ALDH6A1: variants seen among roughly 807,000 people sequenced by gnomAD.
ALDH6A1 encodes the protein methylmalonate-semialdehyde/malonate-semialdehyde dehydrogenase [acylating], mitochondrial.
Under a neutral mutation model 62.6 loss-of-function variants are expected in ALDH6A1, and 43 were observed. The observed-to-expected ratio is 0.69, with a 90% CI of 0.54 to 0.89. The LOEUF (loss-of-function observed/expected upper bound fraction) is 0.89, where lower values mean the gene tolerates loss of function less well. Ranked by LOEUF, ALDH6A1 falls within the 40% of genes least tolerant of loss-of-function variation. ALDH6A1 has a pLI of 0.00. For missense variants in ALDH6A1, 551 were observed against 661.3 expected (o/e 0.83, Z 1.83); for synonymous variants, 194 against 234.2 (o/e 0.83, Z 1.57).
Position 74,058,068 on chromosome 14 carries a change from C to A in ALDH6A1, c.*2574G>T. 3.5e-6 allele frequency: 1 copy of A among 286,888 alleles called. No homozygotes were observed. Among genetic ancestry groups the A allele is most frequent in the Non-Finnish European group, 5.2e-6 (1 of 191,338 alleles). 17.8% of individuals were successfully genotyped at this position (286,888 alleles called of 1,614,324 possible). The stretch of plus-strand genomic sequence containing the variant: ...CAGGGCCAGGTGCGGTGGTTCACGC[C>A]TGTAATCCCAGCACTTTGGGAGGCC... On this transcript the variant is annotated 3_prime_UTR_variant, in exon 12 of 12. Coordinates refer to ENST00000553458, the MANE Select transcript of ALDH6A1 (RefSeq NM_005589.4).
intron 2 of ALDH6A1, among the ~76,000 whole-genome samples, chr14:74,074,268 C>T (rs932898557): frequency 2.0e-5 from 3 of 147,604 alleles, no homozygotes; most frequent in East Asian, 2.1e-4. Context: ...TGAGCCACTG[C>T]GCCCGGCCCC....
At chr14:74,076,951 A>G (rs1370827467) in intron 1 of ALDH6A1, among the ~76,000 whole-genome samples, 1 of 152,216 alleles carries the variant, frequency 6.6e-6, no homozygotes, top group Non-Finnish European at 1.5e-5. Flanking sequence ...CTGCAATCTA[A>G]TAATCTTTTA....
chr14:74,062,725 T>A (rs764916322), intron 11 of ALDH6A1, among the ~76,000 whole-genome samples: 6 of 152,190 alleles, frequency 3.9e-5, no homozygotes, highest in Non-Finnish European at 8.8e-5. Context: ...TGCAATCCCA[T>A]TGTTAATTTT....
In ALDH6A1 at chr14:74,072,331, C is replaced by T; in HGVS notation, c.220G>A (p.Ala74Thr). The T allele has an allele frequency of 1.2e-6, 2 of 1,614,182 alleles. No individual in the cohort carries two copies. Among genetic ancestry groups the T allele is most frequent in the African/African-American group, 2.7e-5 (2 of 75,060 alleles). ...GCTGCATCCATTTCTGCCTTGGTGG[C>T]CTGAGGGACCCGACCAATGACCTCA... ...TNEVIGRVPQ[A>T]TKAEMDAAIA... is the part of the protein sequence containing the mutation. The change falls in exon 4 of 12, where the codon GCC becomes ACC. Residue 74 changes from alanine to threonine, a missense_variant. By Grantham distance (58) the Ala-to-Thr change is moderately conservative. Coordinates refer to ENST00000553458, the MANE Select transcript of ALDH6A1 (RefSeq NM_005589.4).
At chr14:74,072,459 C>T (rs192918442) in intron 3 of ALDH6A1, 78 bp downstream of exon 3, 6 of 1,613,020 alleles carry the variant, frequency 3.7e-6, no homozygotes, top group African/African-American at 2.7e-5. Flanking sequence ...TTACAACAGA[C>T]ACCCAGGTCC....
intron 1 of ALDH6A1, 67 bp from the exon 2 acceptor site, chr14:74,075,084 GC>G: frequency 1.4e-6 from 2 of 1,416,328 alleles, no homozygotes; most frequent in Non-Finnish European, 2.0e-6. Flanking sequence ...TTAGCAAATA[GC>G]TACTATATGC....
rs1217605380 is a variant in ALDH6A1, at chr14:74,060,153, T to G, written c.*489A>C. 1.3e-5 allele frequency: 2 copies of G among 157,882 alleles called. No individual in the cohort carries two copies. The highest frequency in any genetic ancestry group is 2.8e-5 in the Non-Finnish European group (2 of 71,186). The allele number at this position is 157,882 out of a possible 1,614,324, so 9.8% of individuals were successfully genotyped here. A position where few individuals can be genotyped will look rare whatever the true frequency, so the allele number is the denominator to read the frequency against. On this transcript the variant is annotated 3_prime_UTR_variant, in exon 12 of 12. Coordinates refer to ENST00000553458, the MANE Select transcript of ALDH6A1 (RefSeq NM_005589.4). The stretch of plus-strand genomic sequence containing the variant: ...GGAACATCTTCTTTAAAAAATTTTT[T>G]TTCCCTTTTCTTTTTTTACTTTTTC...
intron 9 of ALDH6A1, chr14:74,065,813 C>T: frequency 5.5e-6 from 1 of 183,236 alleles, no homozygotes. Flanking sequence ...ACTCCTTTGC[C>T]TCCCAAATAT....
rs1344359730 is a variant in ALDH6A1 at position 74,072,363 on chromosome 14, G to C, written c.188C>G (p.Ala63Gly). 5 of 1,614,002 alleles carry C rather than the reference G, an allele frequency of 3.1e-6. No homozygotes were observed. Among genetic ancestry groups the C allele is most frequent in the Non-Finnish European group, 3.4e-6 (4 of 1,180,026 alleles). ...SDKWIDIHNPATNEVIGRVPQ... is the reference protein window; with the variant it reads ...SDKWIDIHNPGTNEVIGRVPQ... ...GACCCGACCAATGACCTCATTGGTG[G>C]CCTGATGAGAAAAATAAGCACATGA... is the stretch of plus-strand genomic sequence containing the variant. The change falls in exon 4 of 12, where the codon GCC becomes GGC. Residue 63 changes from alanine (A) to glycine (G), a missense_variant and splice_region_variant. Coordinates refer to ENST00000553458, the MANE Select transcript of ALDH6A1 (RefSeq NM_005589.4).
chr14:74,063,423 G>C (rs1224284933), intron 11 of ALDH6A1, among the ~76,000 whole-genome samples: 2 of 151,912 alleles, frequency 1.3e-5, no homozygotes, highest in Admixed American at 1.3e-4. Context: ...GACTTCAGGT[G>C]ATCTGCCTGC....
chr14:74,057,657 C>A lies in ALDH6A1; in HGVS notation c.*2985G>T. The A allele has an allele frequency of 7.5e-7, 1 of 1,324,620 alleles. No homozygotes were observed. Among genetic ancestry groups the A allele is most frequent in the Non-Finnish European group, 9.9e-7 (1 of 1,014,280 alleles). The allele number at this position is 1,324,620 out of a possible 1,614,324, so 82.1% of individuals were successfully genotyped here. On this transcript the variant is annotated 3_prime_UTR_variant, in exon 12 of 12. Coordinates refer to ENST00000553458, the MANE Select transcript of ALDH6A1 (RefSeq NM_005589.4). ...GGAGATATGAAATGATTTTTTTAAG[C>A]CAAGTTTTTCTCTTTAAGAGTTTTT...
rs558683329 is a variant in ALDH6A1, at chr14:74,057,331, C to T, written c.*3311G>A. On this transcript the variant is annotated 3_prime_UTR_variant, in exon 12 of 12. Coordinates refer to ENST00000553458, the MANE Select transcript of ALDH6A1 (RefSeq NM_005589.4). Reference sequence around the variant, plus strand: ...CCCCATGTCGCTTCTTGCTAAATCACGGTTATTTTCTCTACTAGTTGAGAG... The same window carrying T: ...CCCCATGTCGCTTCTTGCTAAATCATGGTTATTTTCTCTACTAGTTGAGAG... The T allele has an allele frequency of 2.2e-4, 357 of 1,600,846 alleles. 1 individual carries two copies. Among genetic ancestry groups the T allele is most frequent in the Non-Finnish European group, 2.9e-4 (338 of 1,172,824 alleles).
intron 11 of ALDH6A1, among the ~76,000 whole-genome samples, chr14:74,062,820 C>T (rs68148895): frequency 0.24 from 36,649 of 151,970 alleles, 4,993 homozygotes; most frequent in South Asian, 0.46. Flanking sequence ...AAAAAAAAAT[C>T]AACCTATAAA....
chr14:74,072,703 G>A, intron 2 of ALDH6A1, 92 bp from the exon 3 acceptor site: 1 of 1,424,248 alleles, frequency 7.0e-7, no homozygotes. Context: ...TGCACCAAAA[G>A]GAAAGAAAAC....
chr14:74,084,355 T>A lies in ALDH6A1; in HGVS notation c.40A>T (p.Ile14Phe), dbSNP rs147854047. ...GCACCACCCTCACTCGCCTGCAGGATCCGGGCTCGCACTGCCGCCGCCGCC... is the reference window on the plus strand; with the variant it reads ...GCACCACCCTCACTCGCCTGCAGGAACCGGGCTCGCACTGCCGCCGCCGCC... ...LLAAAAVRARILQVSSKVKSS... is the reference protein window; with the variant it reads ...LLAAAAVRARFLQVSSKVKSS... The change falls in exon 1 of 12, where the codon ATC becomes TTC. Residue 14 changes from isoleucine to phenylalanine, a missense_variant. Ile to Phe is a conservative substitution (Grantham distance 21, BLOSUM62 0). Coordinates refer to ENST00000553458, the MANE Select transcript of ALDH6A1 (RefSeq NM_005589.4). 6.2e-7 allele frequency: 1 copy of A among 1,613,364 alleles called. No homozygotes were observed. Among genetic ancestry groups the A allele is most frequent in the Non-Finnish European group, 8.5e-7 (1 of 1,179,910 alleles).
rs2060290736 is a variant in ALDH6A1, at chr14:74,059,459, GC to G, written c.*1182del. 2 of 449,334 alleles carry G rather than the reference GC, an allele frequency of 4.5e-6. No homozygotes were observed. The highest frequency in any genetic ancestry group is 1.4e-4 in the East Asian group (2 of 14,086). The allele number at this position is 449,334 out of a possible 1,614,324, so 27.8% of individuals were successfully genotyped here. A position where few individuals can be genotyped will look rare whatever the true frequency, so the allele number is the denominator to read the frequency against. On this transcript the variant is annotated 3_prime_UTR_variant, in exon 12 of 12. Transcript: ENST00000553458. Reference sequence around the variant, plus strand: ...GCCTGTAATCCCAGCACTTTGGGAGGCCGAGGCAGGCGGATCACCTGAGGTC... The same window carrying G: ...GCCTGTAATCCCAGCACTTTGGGAGGCGAGGCAGGCGGATCACCTGAGGTC...
intron 1 of ALDH6A1, among the ~76,000 whole-genome samples, chr14:74,079,908 T>G (rs2060654578): frequency 6.6e-6 from 1 of 152,090 alleles, no homozygotes; most frequent in South Asian, 2.1e-4. Context: ...CATGGTCATG[T>G]GCACCTGTGG....
At chr14:74,076,616 A>C (rs1221846547) in intron 1 of ALDH6A1, among the ~76,000 whole-genome samples, 1 of 152,200 alleles carries the variant, frequency 6.6e-6, no homozygotes, top group Admixed American at 6.5e-5. Context: ...GGCTCACTGC[A>C]ACCTCCACCT....
At position 74,057,393 on chromosome 14, in the gene ALDH6A1, T is replaced by A; in HGVS notation, c.*3249A>T. 3 of 1,539,182 alleles carry A rather than the reference T, an allele frequency of 1.9e-6. No individual in the cohort carries two copies. The South Asian group carries it at 3.6e-5, about 18-fold the overall frequency. On this transcript the variant is annotated 3_prime_UTR_variant, in exon 12 of 12. Transcript: ENST00000553458. ...CAGTGGAATGAGTAATAAATAGCATTAGTAGATTACATAAATTTTTAAAGC... is the reference window on the plus strand; with the variant it reads ...CAGTGGAATGAGTAATAAATAGCATAAGTAGATTACATAAATTTTTAAAGC...
Sources: allele counts gnomAD v4.1 joint callset (sites outside exome capture counted in the v4.1 genomes callset), GRCh38; gene constraint gnomAD v4.1.1; transcripts MANE v1.5; gene names NCBI Gene and HGNC (gene_info 2026-07-23, HGNC 2026-07-21).